BAZ2B: variants seen among roughly 807,000 people sequenced by gnomAD.
BAZ2B encodes bromodomain adjacent to zinc finger domain 2B, also known as bromodomain adjacent to zinc finger domain protein 2B.
BAZ2B carries 91 observed loss-of-function variants against 246.0 expected under a neutral mutation model. The observed-to-expected ratio is 0.37, with a 90% CI of 0.31 to 0.44. The LOEUF (loss-of-function observed/expected upper bound fraction) is 0.44, where lower values mean the gene tolerates loss of function less well. Among genes scored for constraint, BAZ2B ranks in the 20% least tolerant of loss-of-function variants. The pLI, the probability that BAZ2B is intolerant of heterozygous loss-of-function variation, is 1.00. For synonymous variants in BAZ2B, 855 were observed against 860.0 expected (o/e 0.99, Z 0.10); for missense variants, 2,332 against 2,533.7 (o/e 0.92, Z 1.71).
intron 13 of BAZ2B, among the ~76,000 whole-genome samples, chr2:159,417,639 A>G (rs927864539): frequency 4.7e-4 from 71 of 152,312 alleles, no homozygotes; most frequent in African/African-American, 1.5e-3. Context: ...AAATAAGGTA[A>G]TGAAATAAGT....
chr2:159,439,774 T>C (rs1428204842), intron 6 of BAZ2B, among the ~76,000 whole-genome samples: 1 of 151,918 alleles, frequency 6.6e-6, no homozygotes, highest in South Asian at 2.1e-4. Flanking sequence ...GAAGATAAAG[T>C]AGGGTAGCAA....
the BAZ2B span, among the ~76,000 whole-genome samples, chr2:159,691,269 G>A: frequency 1.3e-5 from 2 of 152,264 alleles, no homozygotes; most frequent in Admixed American, 1.3e-4. Flanking sequence ...CTTGAACAAT[G>A]TGGGGGCAGC....
intron 1 of BAZ2B, among the ~76,000 whole-genome samples, chr2:159,588,379 C>A (rs1383850387): frequency 1.3e-5 from 2 of 151,916 alleles, no homozygotes; most frequent in Admixed American, 1.3e-4. Flanking sequence ...CCAAAATAGG[C>A]TGGGTATAGT....
chr2:159,519,210 C>CTTTTTTTTTTTTTTTTTTT (rs564614568), intron 2 of BAZ2B, among the ~76,000 whole-genome samples: 11 of 57,778 alleles, frequency 1.9e-4, no homozygotes, highest in Non-Finnish European at 3.4e-4. Flanking sequence ...ATTCTATTTT[C>CTTTTTTTTTTTTTTTTTTT]TTTTTTTTTT....
intron 3 of BAZ2B, among the ~76,000 whole-genome samples, chr2:159,454,203 A>G (rs757812573): frequency 8.5e-5 from 13 of 152,200 alleles, no homozygotes; most frequent in Non-Finnish European, 1.5e-4. Flanking sequence ...AGCCACTGAA[A>G]TAAGTCCAGG....
At chr2:159,702,911 G>C in the BAZ2B span, among the ~76,000 whole-genome samples, 1 of 151,682 alleles carries the variant, frequency 6.6e-6, no homozygotes, top group Admixed American at 6.6e-5. Flanking sequence ...GTGGTGGCAG[G>C]CACCTGTAGT....
At chr2:159,560,151 C>T (rs1240125024) in intron 1 of BAZ2B, among the ~76,000 whole-genome samples, 1 of 152,174 alleles carries the variant, frequency 6.6e-6, no homozygotes, top group Non-Finnish European at 1.5e-5. Flanking sequence ...GACTATACTA[C>T]ATACCTACAA....
intron 21 of BAZ2B, among the ~76,000 whole-genome samples, chr2:159,388,909 A>T (rs2062969097): frequency 6.6e-6 from 1 of 152,018 alleles, no homozygotes; most frequent in Non-Finnish European, 1.5e-5. Context: ...ACAAAAAATT[A>T]AAATAACAAA....
chr2:159,321,208 C>T (rs1408941198), intron 36 of BAZ2B, among the ~76,000 whole-genome samples: 1 of 152,220 alleles, frequency 6.6e-6, no homozygotes, highest in East Asian at 1.9e-4. Context: ...CAGTTCAATA[C>T]ATTTTAAAAG....
intron 2 of BAZ2B, among the ~76,000 whole-genome samples, chr2:159,554,916 A>G (rs888764888): frequency 2.6e-5 from 4 of 152,094 alleles, no homozygotes; most frequent in African/African-American, 9.7e-5. Context: ...AAAATTAAAA[A>G]GTATCAGTTA....
chr2:159,411,735 C>G (rs1238820973), intron 14 of BAZ2B, among the ~76,000 whole-genome samples: 3 of 152,100 alleles, frequency 2.0e-5, no homozygotes, highest in Non-Finnish European at 2.9e-5. Flanking sequence ...TGTATAATGT[C>G]AAATCATTAA....
the BAZ2B span, among the ~76,000 whole-genome samples, chr2:159,651,603 A>G: frequency 1.3e-5 from 2 of 152,144 alleles, no homozygotes; most frequent in Non-Finnish European, 2.9e-5. Context: ...TTACCATAAA[A>G]CTTACCCCTT....
At chr2:159,338,413 G>C (rs1212087098) in intron 31 of BAZ2B, among the ~76,000 whole-genome samples, 2 of 152,060 alleles carry the variant, frequency 1.3e-5, no homozygotes, top group Non-Finnish European at 2.9e-5. Context: ...TTTTATAGTA[G>C]TGTAATTATT....
the BAZ2B span, among the ~76,000 whole-genome samples, chr2:159,631,862 AAT>A: frequency 1.3e-5 from 2 of 152,214 alleles, no homozygotes; most frequent in Non-Finnish European, 2.9e-5. Context: ...GGTACATGCA[AAT>A]ATATGTGTCC....
intron 31 of BAZ2B, among the ~76,000 whole-genome samples, chr2:159,341,740 A>C (rs1403885455): frequency 1.3e-5 from 2 of 152,226 alleles, no homozygotes; most frequent in African/African-American, 4.8e-5. Context: ...CAAATACATG[A>C]AATGTAAACA....
At chr2:159,505,935 C>T (rs1424327022) in intron 2 of BAZ2B, among the ~76,000 whole-genome samples, 1 of 152,174 alleles carries the variant, frequency 6.6e-6, no homozygotes, top group Non-Finnish European at 1.5e-5. Context: ...GCGTATAATA[C>T]ATTATAAACT....
chr2:159,441,205 G>A (rs1577067276), intron 6 of BAZ2B, among the ~76,000 whole-genome samples: 1 of 152,162 alleles, frequency 6.6e-6, no homozygotes, highest in Non-Finnish European at 1.5e-5. Flanking sequence ...GAGCTACAGT[G>A]ATTTAGCAGA....
At chr2:159,362,203 G>A (rs1001393847) in intron 27 of BAZ2B, among the ~76,000 whole-genome samples, 2 of 152,100 alleles carry the variant, frequency 1.3e-5, no homozygotes, top group Admixed American at 6.6e-5. Context: ...AAGGCCATAG[G>A]GGCTTTCTTC....
chr2:159,558,511 C>T (rs564875211), intron 1 of BAZ2B, among the ~76,000 whole-genome samples: 12 of 152,152 alleles, frequency 7.9e-5, no homozygotes, highest in African/African-American at 2.4e-4. Context: ...CCGCCTACCT[C>T]GGCCTCCCAA....
Sources: allele counts gnomAD v4.1 joint callset (sites outside exome capture counted in the v4.1 genomes callset), GRCh38; gene constraint gnomAD v4.1.1; transcripts MANE v1.5; gene names NCBI Gene and HGNC (gene_info 2026-07-23, HGNC 2026-07-21).